The following TBL1X variants were observed in gnomAD, a reference collection of about 807,000 sequenced individuals.
TBL1X encodes F-box-like/WD repeat-containing protein TBL1X.
In TBL1X, 10 loss-of-function variants were observed where a neutral mutation model predicts 50.7. That is an observed-to-expected ratio of 0.20 (90% CI 0.12 to 0.33). TBL1X has a LOEUF of 0.33. Ranked by LOEUF, TBL1X falls within the 10% of genes least tolerant of loss-of-function variation. The pLI is 1.00. For missense variants in TBL1X, 340 were observed against 504.4 expected, an observed-to-expected ratio of 0.67 and a Z score of 3.12; for synonymous variants, 190 against 214.7, an observed-to-expected ratio of 0.88 and a Z score of 1.01.
Position 9,704,065 on chromosome X carries a change from C to T in TBL1X, c.1115-928C>T, listed in dbSNP as rs144180879. Among the ~76,000 whole-genome samples the T allele has an allele frequency of 4.0e-3, 448 of 112,031 alleles. 2 individuals are homozygous for T. Among genetic ancestry groups the T allele is most frequent in the Non-Finnish European group, 6.4e-3 (338 of 53,142 alleles). ...TAGAGAATGAGACCCATAGCTGTAA[C>T]TAAACTACAAGGGGAGGTCAGCTCC... On this transcript the variant is annotated intron_variant, in intron 12 of 17. Coordinates refer to ENST00000645353, the MANE Select transcript of TBL1X (RefSeq NM_005647.4).
chrX:9,486,066 C>G (rs970030714), intron 1 of TBL1X, among the ~76,000 whole-genome samples: 2 of 110,309 alleles, frequency 1.8e-5, no homozygotes, highest in African/African-American at 3.3e-5. Flanking sequence ...GCCCTCCTCC[C>G]TTTTGGAATT....
intron 5 of TBL1X, among the ~76,000 whole-genome samples, chrX:9,676,596 C>T (rs966842295): frequency 1.8e-5 from 2 of 111,965 alleles, no homozygotes; most frequent in African/African-American, 3.3e-5. Flanking sequence ...GGACGCCGTC[C>T]GAGGCAGCTT....
intron 8 of TBL1X, 24 bp downstream of exon 8, chrX:9,691,735 G>A (rs1261574712): frequency 3.1e-5 from 36 of 1,160,175 alleles, no homozygotes; most frequent in Non-Finnish European, 4.0e-5. Flanking sequence ...GGTGGGGGGC[G>A]CTCCAGAGTT....
chrX:9,584,726 T>C (rs1305142731), intron 2 of TBL1X, among the ~76,000 whole-genome samples: 1 of 112,328 alleles, frequency 8.9e-6, no homozygotes, highest in African/African-American at 3.2e-5. Context: ...AGTATTCATA[T>C]ATGCTACATT....
At chrX:9,490,055 C>T in intron 1 of TBL1X, among the ~76,000 whole-genome samples, 1 of 111,707 alleles carries the variant, frequency 9.0e-6, no homozygotes, top group East Asian at 2.8e-4. Context: ...GTGCTTCTTT[C>T]TTCTGGGCTC....
chrX:9,475,719 T>C (rs745750811), intron 1 of TBL1X, among the ~76,000 whole-genome samples: 3 of 111,625 alleles, frequency 2.7e-5, no homozygotes, highest in South Asian at 3.7e-4. Context: ...TTAGAATGGC[T>C]GAAGGTTTGG....
intron 2 of TBL1X, among the ~76,000 whole-genome samples, chrX:9,632,096 TG>T (rs2082724558): frequency 8.9e-6 from 1 of 112,315 alleles, no homozygotes; most frequent in African/African-American, 3.2e-5. Flanking sequence ...ATATAACTTT[TG>T]GGTTGTTTTC....
intron 2 of TBL1X, among the ~76,000 whole-genome samples, chrX:9,519,833 G>A (rs1339821668): frequency 1.8e-5 from 2 of 112,075 alleles, no homozygotes; most frequent in East Asian, 5.6e-4. Flanking sequence ...ATTCAAAAAC[G>A]GCAGTGACAG....
intron 2 of TBL1X, among the ~76,000 whole-genome samples, chrX:9,516,666 G>A (rs1313580821): frequency 1.8e-5 from 2 of 112,542 alleles, no homozygotes; most frequent in African/African-American, 6.5e-5. Flanking sequence ...ACCAGTCTTT[G>A]TGTTGCCCTC....
chrX:9,548,171 A>G (rs953202668), intron 2 of TBL1X, among the ~76,000 whole-genome samples: 2 of 110,220 alleles, frequency 1.8e-5, no homozygotes, highest in South Asian at 7.8e-4. Context: ...TACCAATTTG[A>G]TAATGTAAGT....
At chrX:9,647,057 A>G (rs1299020039) in intron 3 of TBL1X, among the ~76,000 whole-genome samples, 1 of 112,020 alleles carries the variant, frequency 8.9e-6, no homozygotes, top group Non-Finnish European at 1.9e-5. Context: ...GTTCTCCCAC[A>G]GAATGATGGC....
chrX:9,575,513 C>G (rs1332707248), intron 2 of TBL1X, among the ~76,000 whole-genome samples: 1 of 111,999 alleles, frequency 8.9e-6, no homozygotes, highest in Admixed American at 9.5e-5. Context: ...AGGGTTCACT[C>G]ATGTTGTCCC....
chrX:9,603,668 T>G (rs892863755), intron 2 of TBL1X, among the ~76,000 whole-genome samples: 9 of 111,584 alleles, frequency 8.1e-5, no homozygotes, highest in Non-Finnish European at 1.5e-4. Flanking sequence ...GCTTACCATG[T>G]TGGTGGTGGT....
At chrX:9,518,260 C>G (rs1244894215) in intron 2 of TBL1X, among the ~76,000 whole-genome samples, 2 of 112,201 alleles carry the variant, frequency 1.8e-5, no homozygotes, top group Non-Finnish European at 1.9e-5. Context: ...ACCATGGCAA[C>G]AGACACTGTC....
In TBL1X at chrX:9,623,032, T is replaced by G. The variant is rs146677589; in HGVS notation, c.-130-17241T>G. ...TGCTGGATCACATGGTAATTCTGTT[T>G]ACTCTTTTGAGGGCCTGCCATACTG... On this transcript the variant is annotated intron_variant, in intron 2 of 17. Transcript: ENST00000645353. Among the ~76,000 whole-genome samples the G allele has an allele frequency of 5.1e-3, 573 of 111,462 alleles. 8 individuals carry two copies. Among genetic ancestry groups the G allele is most frequent in the African/African-American group, 0.018 (555 of 30,634 alleles).
intron 1 of TBL1X, among the ~76,000 whole-genome samples, chrX:9,497,605 G>C (rs748727164): frequency 4.0e-4 from 44 of 110,119 alleles, no homozygotes; most frequent in African/African-American, 1.4e-3. Context: ...GCTAATCACA[G>C]ATAGTTGGTG....
In TBL1X at chrX:9,485,818, A is replaced by G. The variant is rs138230623; in HGVS notation, c.-200-15962A>G. ...CAAATCAATTCACGAAAGGGGGCCA[A>G]TTTGCCTTTCGGGTGTCTGATCTAA... On this transcript the variant is annotated intron_variant, in intron 1 of 17. Coordinates refer to ENST00000645353, the MANE Select transcript of TBL1X (RefSeq NM_005647.4). Among the ~76,000 whole-genome samples, 333 of 112,308 alleles carry G rather than the reference A, an allele frequency of 3.0e-3. 3 individuals are homozygous for G. Among genetic ancestry groups the G allele is most frequent in the African/African-American group, 8.7e-3 (269 of 30,965 alleles).
chrX:9,647,679 T>G (rs1038458426), intron 3 of TBL1X, among the ~76,000 whole-genome samples: 5 of 112,119 alleles, frequency 4.5e-5, no homozygotes, highest in African/African-American at 1.6e-4. Context: ...GGTGTTAGAA[T>G]GCGGCTTGTG....
At position 9,527,878 on chromosome X, in the gene TBL1X, A is replaced by C. The variant is rs767671245; in HGVS notation, c.-131+26029A>C. ...GCTGGAGTGCATCACGGCTCCCTAC[A>C]GCCTTAACGATCCTCCCATGTCAGC... On this transcript the variant is annotated intron_variant, in intron 2 of 17. Transcript: ENST00000645353. Among the ~76,000 whole-genome samples, 3 of 110,794 alleles carry C rather than the reference A, an allele frequency of 2.7e-5. No homozygotes were observed. In the South Asian group the frequency reaches 1.2e-3, roughly 43 times the overall value.
Sources: gnomAD v4.1 joint callset for allele counts (sites outside exome capture counted in the v4.1 genomes callset) on GRCh38, gnomAD v4.1.1 for gene constraint, MANE v1.5 for transcripts, NCBI Gene and HGNC (gene_info 2026-07-23, HGNC 2026-07-21) for gene names.